The following CTNND2 variants were observed in gnomAD, a reference collection of about 807,000 sequenced individuals.
CTNND2 encodes the protein catenin delta-2.
CTNND2 carries 22 observed loss-of-function variants against 144.4 expected under a neutral mutation model. The ratio of observed to expected loss-of-function variants is 0.15; its 90% CI spans 0.11 to 0.22. CTNND2 has a LOEUF of 0.22. Ranked by LOEUF, CTNND2 falls within the 10% of genes least tolerant of loss-of-function variation. The probability of loss-of-function intolerance (pLI) is 1.00; values close to 1 mark genes in which losing one functional copy is unlikely to be tolerated. For synonymous variants in CTNND2, 751 were observed against 695.6 expected (o/e 1.08, Z -1.25); for missense variants, 1,353 against 1,618.8 (o/e 0.84, Z 2.82).
chr5:11,524,568 C>G (rs555246323), intron 3 of CTNND2, among the ~76,000 whole-genome samples: 1 of 152,128 alleles, frequency 6.6e-6, no homozygotes, highest in Admixed American at 6.6e-5. Context: ...CAACAAAGCC[C>G]TGCTCAAAAG....
chr5:11,020,828 T>C (rs1742171283), intron 17 of CTNND2, among the ~76,000 whole-genome samples: 1 of 150,670 alleles, frequency 6.6e-6, no homozygotes, highest in Admixed American at 6.6e-5. Context: ...CAATCCAATT[T>C]AACACTTCTT....
chr5:11,272,713 T>C (rs1166353708), intron 9 of CTNND2, among the ~76,000 whole-genome samples: 1 of 152,192 alleles, frequency 6.6e-6, no homozygotes, highest in African/African-American at 2.4e-5. Flanking sequence ...AATATCATCA[T>C]CAAATTCTCA....
At chr5:11,778,825 C>A (rs182799290) in intron 1 of CTNND2, among the ~76,000 whole-genome samples, 1 of 152,114 alleles carries the variant, frequency 6.6e-6, no homozygotes, top group African/African-American at 2.4e-5. Context: ...ATGTACCATG[C>A]GAATGCAAAA....
intron 3 of CTNND2, among the ~76,000 whole-genome samples, chr5:11,524,835 T>C (rs1054391795): frequency 1.3e-5 from 2 of 152,120 alleles, no homozygotes; most frequent in African/African-American, 4.8e-5. Flanking sequence ...ACTTATTTTG[T>C]TTCTCATCAT....
At chr5:11,552,673 A>T (rs1018232851) in intron 3 of CTNND2, among the ~76,000 whole-genome samples, 1 of 152,166 alleles carries the variant, frequency 6.6e-6, no homozygotes, top group Non-Finnish European at 1.5e-5. Context: ...TCTAGCACTC[A>T]CTGCAACACT....
At chr5:11,051,454 T>C (rs930853762) in intron 16 of CTNND2, among the ~76,000 whole-genome samples, 1 of 152,236 alleles carries the variant, frequency 6.6e-6, no homozygotes, top group Non-Finnish European at 1.5e-5. Context: ...TTTAGCTGCA[T>C]TGTAAGCCAC....
chr5:11,457,112 TC>T (rs1202311718), intron 3 of CTNND2, among the ~76,000 whole-genome samples: 1 of 152,216 alleles, frequency 6.6e-6, no homozygotes, highest in African/African-American at 2.4e-5. Flanking sequence ...TTATAACAAA[TC>T]TTTGAGAGTG....
chr5:11,448,606 TCA>T (rs1309906795), intron 3 of CTNND2, among the ~76,000 whole-genome samples: 1 of 152,204 alleles, frequency 6.6e-6, no homozygotes, highest in Non-Finnish European at 1.5e-5. Flanking sequence ...ATTTTGGTTT[TCA>T]CAGTTTTAAT....
intron 9 of CTNND2, among the ~76,000 whole-genome samples, chr5:11,244,399 C>T (rs909022985): frequency 7.3e-5 from 11 of 151,362 alleles, no homozygotes; most frequent in East Asian, 3.9e-4. Context: ...ATTCTCCTGC[C>T]TCAGCCTCCT....
intron 9 of CTNND2, among the ~76,000 whole-genome samples, chr5:11,310,899 C>T (rs1174981942): frequency 7.0e-6 from 1 of 142,166 alleles, no homozygotes; most frequent in Non-Finnish European, 1.5e-5. Flanking sequence ...ACACGCAATA[C>T]ACTCACACAC....
intron 2 of CTNND2, among the ~76,000 whole-genome samples, chr5:11,690,598 C>T (rs1006893441): frequency 6.6e-6 from 1 of 151,402 alleles, no homozygotes. Context: ...TAGCCGGGCG[C>T]GGTGGCGGGC....
chr5:11,865,139 C>T (rs1436129726), intron 1 of CTNND2, among the ~76,000 whole-genome samples: 1 of 152,114 alleles, frequency 6.6e-6, no homozygotes, highest in African/African-American at 2.4e-5. Context: ...AGGTGATCCG[C>T]GTGCCTCGGC....
intron 9 of CTNND2, among the ~76,000 whole-genome samples, chr5:11,240,382 A>G (rs1332892313): frequency 5.1e-5 from 1 of 19,486 alleles, no homozygotes; most frequent in East Asian, 3.8e-3. Flanking sequence ...ACACACACAT[A>G]CACTCACACA....
At chr5:11,217,155 T>A (rs1739284487) in intron 10 of CTNND2, among the ~76,000 whole-genome samples, 1 of 152,186 alleles carries the variant, frequency 6.6e-6, no homozygotes, top group Non-Finnish European at 1.5e-5. Flanking sequence ...ATAATTTCAA[T>A]GACGGAAGAC....
chr5:11,061,185 G>T (rs1746930809), intron 16 of CTNND2, among the ~76,000 whole-genome samples: 1 of 151,904 alleles, frequency 6.6e-6, no homozygotes, highest in Non-Finnish European at 1.5e-5. Context: ...AACCTTGCTG[G>T]TTCCACCTTC....
intron 16 of CTNND2, among the ~76,000 whole-genome samples, chr5:11,058,568 C>T (rs1746580816): frequency 2.0e-5 from 3 of 152,230 alleles, no homozygotes; most frequent in African/African-American, 7.2e-5. Flanking sequence ...TGGAGAACCT[C>T]TGCTCGGGCA....
intron 3 of CTNND2, among the ~76,000 whole-genome samples, chr5:11,521,422 T>C (rs1772703694): frequency 6.6e-6 from 1 of 152,226 alleles, no homozygotes; most frequent in African/African-American, 2.4e-5. Flanking sequence ...AGCTTATCTT[T>C]CACTTACCTT....
intron 3 of CTNND2, among the ~76,000 whole-genome samples, chr5:11,448,762 G>A (rs1359375822): frequency 6.6e-6 from 1 of 152,070 alleles, no homozygotes; most frequent in African/African-American, 2.4e-5. Flanking sequence ...TCTGACTCCT[G>A]GGATCAAGTG....
At chr5:11,076,262 C>T (rs571421228) in intron 16 of CTNND2, among the ~76,000 whole-genome samples, 1 of 152,248 alleles carries the variant, frequency 6.6e-6, no homozygotes, top group Non-Finnish European at 1.5e-5. Context: ...GCAAGGTGGG[C>T]TTTGAATGGT....
Sources: allele counts gnomAD v4.1 joint callset (sites outside exome capture counted in the v4.1 genomes callset), GRCh38; gene constraint gnomAD v4.1.1; transcripts MANE v1.5; gene names NCBI Gene and HGNC (gene_info 2026-07-23, HGNC 2026-07-21).